Variants in ITGA11 observed in about 807,000 individuals in gnomAD.
ITGA11 encodes integrin subunit alpha 11.
In ITGA11, 97 loss-of-function variants were observed where a neutral mutation model predicts 141.9. The ratio of observed to expected loss-of-function variants is 0.68; its 90% confidence interval spans 0.58 to 0.81. The LOEUF (loss-of-function observed/expected upper bound fraction) is 0.81. Among genes scored for constraint, ITGA11 ranks in the 30% least tolerant of loss-of-function variants. ITGA11 has a pLI of 0.00. For synonymous variants in ITGA11, 658 were observed against 624.6 expected (o/e 1.05, Z -0.80); for missense variants, 1,387 against 1,559.2 (o/e 0.89, Z 1.86).
intron 2 of ITGA11, among the ~76,000 whole-genome samples, chr15:68,370,868 C>T (rs970390583): frequency 6.6e-6 from 1 of 152,110 alleles, no homozygotes; most frequent in South Asian, 2.1e-4. Context: ...AGGAGGTGGC[C>T]GGGAGGCTCG....
In ITGA11 at chr15:68,297,044, A is replaced by G. The variant is rs1245713757; in HGVS notation, c.*6015T>C. On this transcript the variant is annotated 3_prime_UTR_variant, in exon 30 of 30. Coordinates refer to ENST00000315757, the MANE Select transcript of ITGA11 (RefSeq NM_001004439.2). ...CGCCTTGATCTTCCGGGCTCAAGTG[A>G]TCCTCTCACCTCAGCCTCCCAAGTA... is the stretch of plus-strand genomic sequence containing the variant. 2 of 152,118 alleles carry G rather than the reference A, an allele frequency of 1.3e-5. No homozygotes were observed. Among genetic ancestry groups the G allele is most frequent in the Non-Finnish European group, 2.9e-5 (2 of 68,050 alleles). The allele number at this position is 152,118 out of a possible 1,614,324, so 9.4% of individuals were successfully genotyped here. A position where few individuals can be genotyped will look rare whatever the true frequency, so the allele number is the denominator to read the frequency against.
At chr15:68,407,586 T>A (rs1896677104) in intron 1 of ITGA11, among the ~76,000 whole-genome samples, 2 of 152,144 alleles carry the variant, frequency 1.3e-5, no homozygotes, top group Non-Finnish European at 2.9e-5. Context: ...ATTGCAGAGA[T>A]GTTGGGAGCC....
intron 9 of ITGA11, among the ~76,000 whole-genome samples, chr15:68,350,280 G>C (rs1011052293): frequency 2.0e-5 from 3 of 152,072 alleles, no homozygotes; most frequent in African/African-American, 7.2e-5. Flanking sequence ...AACCTCCCAG[G>C]CTCAAGCGAT....
At chr15:68,380,915 A>G (rs1895845933) in intron 2 of ITGA11, among the ~76,000 whole-genome samples, 1 of 152,140 alleles carries the variant, frequency 6.6e-6, no homozygotes, top group Non-Finnish European at 1.5e-5. Flanking sequence ...CTAAGTACAG[A>G]CAGACGGTTG....
intron 2 of ITGA11, among the ~76,000 whole-genome samples, chr15:68,380,583 T>G (rs942589862): frequency 6.6e-6 from 1 of 152,164 alleles, no homozygotes; most frequent in Non-Finnish European, 1.5e-5. Context: ...GTTCTTGCTC[T>G]GCTGTCTGGG....
rs1321241963 is a variant in ITGA11, at chr15:68,301,306, T to C, written c.*1753A>G. The C allele has an allele frequency of 6.6e-6, 1 of 152,240 alleles. No individual in the cohort carries two copies. The highest frequency in any genetic ancestry group is 1.5e-5 in the Non-Finnish European group (1 of 68,042). The allele number at this position is 152,240 out of a possible 1,614,324, so 9.4% of individuals were successfully genotyped here. Reference sequence around the variant, plus strand: ...ACTTACTGGGAATCCAAGACATGAATGGCACAAGAACAGAATGGAGACGCC... The same window carrying C: ...ACTTACTGGGAATCCAAGACATGAACGGCACAAGAACAGAATGGAGACGCC... On this transcript the variant is annotated 3_prime_UTR_variant, in exon 30 of 30. Coordinates refer to ENST00000315757, the MANE Select transcript of ITGA11 (RefSeq NM_001004439.2). This position sits in a 1 kb window ranked among gnomAD's most constrained non-coding sequence, Gnocchi z 4.4.
intron 24 of ITGA11, among the ~76,000 whole-genome samples, chr15:68,312,327 C>A (rs1307790198): frequency 2.6e-5 from 4 of 152,184 alleles, no homozygotes; most frequent in African/African-American, 9.6e-5. Context: ...TTCCTCCTTC[C>A]TGCTGCCTGG....
rs545738384 is a variant in ITGA11 at position 68,408,583 on chromosome 15, A to G, written c.53-5554T>C. Among the ~76,000 whole-genome samples, 200 of 152,180 alleles carry G rather than the reference A, an allele frequency of 1.3e-3. 2 individuals are homozygous for G. Among genetic ancestry groups the G allele is most frequent in the Admixed American group, 2.8e-3 (43 of 15,300 alleles). On this transcript the variant is annotated intron_variant, in intron 1 of 29. Transcript: ENST00000315757. ...GAGTGCAAGTGTGCCCTGCAAGCAG[A>G]TGCCATGGTTGTTAGAGAGAAGGAC... is the stretch of plus-strand genomic sequence containing the variant.
rs1893891728 is a variant in ITGA11 at position 68,324,057 on chromosome 15, G to A, written c.2322+1074C>T. On this transcript the variant is annotated intron_variant, in intron 18 of 29. Coordinates refer to ENST00000315757, the MANE Select transcript of ITGA11 (RefSeq NM_001004439.2). The surrounding 1 kb of genome is among the most constrained non-coding windows in gnomAD (Gnocchi z 6.3). ...ACTGCGAGAGGACAAAAATGACTTA[G>A]TGCGCCCAGCTTTCCCCTTCTCCCG... 6.6e-6 allele frequency among the ~76,000 whole-genome samples: 1 copy of A among 152,150 alleles called. No individual in the cohort carries two copies. Among genetic ancestry groups the A allele is most frequent in the South Asian group, 2.1e-4 (1 of 4,828 alleles).
chr15:68,312,688 G>T, intron 24 of ITGA11, 85 bp downstream of exon 24: 1 of 1,024,988 alleles, frequency 9.8e-7, no homozygotes, highest in Non-Finnish European at 1.5e-6. Flanking sequence ...CCGGGCACTA[G>T]CGATGATTCC....
chr15:68,416,266 A>G (rs529467777), intron 1 of ITGA11, among the ~76,000 whole-genome samples: 13 of 152,230 alleles, frequency 8.5e-5, no homozygotes, highest in Admixed American at 2.0e-4. Context: ...AAAACAATCA[A>G]TCTGGGGCTG....
intron 24 of ITGA11, among the ~76,000 whole-genome samples, chr15:68,311,940 C>T (rs188224940): frequency 1.1e-3 from 166 of 152,308 alleles, no homozygotes; most frequent in Non-Finnish European, 2.0e-3. Flanking sequence ...CCTGGGCCCA[C>T]CACCACCTAT....
rs372575422 is a variant in ITGA11 at position 68,307,095 on chromosome 15, T to TC, written c.3381+252dup. ...ACTAACAGAGGCTGATACCGAGGCA[T>TC]CTCCCATCCTTTGGTCTTCACAAAT... On this transcript the variant is annotated intron_variant, in intron 28 of 29. Transcript: ENST00000315757. The surrounding 1 kb of genome is among the most constrained non-coding windows in gnomAD (Gnocchi z 6.1). Among the ~76,000 whole-genome samples the TC allele has an allele frequency of 1.2e-3, 181 of 152,310 alleles. 1 individual carries two copies. Among genetic ancestry groups the TC allele is most frequent in the African/African-American group, 4.1e-3 (171 of 41,562 alleles).
intron 2 of ITGA11, among the ~76,000 whole-genome samples, chr15:68,397,001 TAA>T (rs370107645): frequency 3.5e-4 from 4 of 11,432 alleles, no homozygotes; most frequent in African/African-American, 1.0e-3. Flanking sequence ...ATATAATATA[TAA>T]TATATATTAC....
intron 14 of ITGA11, 25 bp from the exon 15 acceptor site, chr15:68,331,136 G>A: frequency 6.4e-7 from 1 of 1,569,786 alleles, no homozygotes. Flanking sequence ...AAGAGAGGGG[G>A]AGGGCATGCA....
chr15:68,351,158 C>A (rs779763275), intron 8 of ITGA11, 100 bp downstream of exon 8: 65 of 1,329,246 alleles, frequency 4.9e-5, no homozygotes, highest in Middle Eastern at 2.6e-4. Context: ...GGCCTGGACA[C>A]TTGTGATACT....
chr15:68,398,167 T>G (rs1421742601), intron 2 of ITGA11, among the ~76,000 whole-genome samples: 1 of 151,840 alleles, frequency 6.6e-6, no homozygotes, highest in Non-Finnish European at 1.5e-5. Flanking sequence ...TAACTTTAAA[T>G]GTAAATGGAC....
intron 2 of ITGA11, among the ~76,000 whole-genome samples, chr15:68,380,799 G>A (rs138524673): frequency 0.011 from 1,739 of 152,298 alleles, 18 homozygotes; most frequent in Middle Eastern, 0.017. Context: ...CATGGAGCTT[G>A]TGGCAGAGTC....
chr15:68,350,223 T>G (rs532173925), intron 9 of ITGA11, among the ~76,000 whole-genome samples: 1 of 152,184 alleles, frequency 6.6e-6, no homozygotes, highest in Non-Finnish European at 1.5e-5. Context: ...CTGGCTCTGT[T>G]GCCCCGGCTG....
Sources: allele counts gnomAD v4.1 joint callset (sites outside exome capture counted in the v4.1 genomes callset), GRCh38; gene constraint gnomAD v4.1.1; non-coding constraint Gnocchi (gnomAD v3.1); transcripts MANE v1.5; gene names NCBI Gene and HGNC (gene_info 2026-07-23, HGNC 2026-07-21).